Variants in SLC8B1 observed in about 807,000 individuals in gnomAD.
The protein encoded by SLC8B1 is mitochondrial sodium/calcium exchanger protein.
Under a neutral mutation model 63.4 loss-of-function variants are expected in SLC8B1, and 52 were observed. The ratio of observed to expected loss-of-function variants is 0.82; its 90% CI spans 0.66 to 1.03. The LOEUF is 1.03. SLC8B1 is among the 50% of genes least tolerant of loss of function. The probability of loss-of-function intolerance (pLI) is 0.00; values close to 1 mark genes in which losing one functional copy is unlikely to be tolerated. For synonymous variants in SLC8B1, 336 were observed against 323.9 expected (o/e 1.04, Z -0.40); for missense variants, 657 against 741.7 (o/e 0.89, Z 1.33).
At position 113,316,569 on chromosome 12, in the gene SLC8B1, C is replaced by T. The variant is rs1322274672; in HGVS notation, c.950G>A (p.Trp317Ter). 2 of 1,614,202 alleles carry T rather than the reference C, an allele frequency of 1.2e-6. No individual in the cohort carries two copies. Among genetic ancestry groups the T allele is most frequent in the Non-Finnish European group, 1.7e-6 (2 of 1,180,038 alleles). ...TTTCCAGTATGCTGATTTCCTTCTC[C>T]ACTTCATGTAATCCAGGGGATTGAG... ...RALNPLDYMK[W>*]RRKSAYWKAL... Residue 317 changes from tryptophan (W) to a stop codon, truncating the protein, a stop_gained, in exon 10 of 16, where the codon TGG becomes TAG. Transcript: ENST00000680972. LOFTEE classifies it high-confidence loss of function.
chr12:113,320,750 A>T lies in SLC8B1; in HGVS notation c.421-64T>A. ...GCAGCCCACCCAGGCCTTCGACCCT[A>T]TCCCCCAGCTTCCCCACACGGGGAT... On this transcript the variant is annotated intron_variant, in intron 5 of 15. Coordinates refer to ENST00000680972, the MANE Select transcript of SLC8B1 (RefSeq NM_001358345.2). The surrounding 1 kb of genome is among the most constrained non-coding windows in gnomAD (Gnocchi z 5.3). 1 of 1,583,120 alleles carries T rather than the reference A, an allele frequency of 6.3e-7. No homozygotes were observed.
At chr12:113,319,754 C>T (rs1253257624) in intron 7 of SLC8B1, among the ~76,000 whole-genome samples, 3 of 152,168 alleles carry the variant, frequency 2.0e-5, no homozygotes, top group South Asian at 4.1e-4. Flanking sequence ...CCCCAGTTAG[C>T]GTCCCATCTT....
chr12:113,331,960 T>C (rs747052163), intron 2 of SLC8B1, among the ~76,000 whole-genome samples: 79 of 152,140 alleles, frequency 5.2e-4, no homozygotes, highest in Non-Finnish European at 1.1e-3. Context: ...TCTCTTAGCA[T>C]TCTTCCCCTC....
Position 113,320,140 on chromosome 12 carries a change from G to C in SLC8B1, c.694+191C>G. 1 of 667,626 alleles carries C rather than the reference G, an allele frequency of 1.5e-6. No individual in the cohort carries two copies. Among genetic ancestry groups the C allele is most frequent in the Non-Finnish European group, 2.5e-6 (1 of 402,892 alleles). 41.4% of individuals were successfully genotyped at this position (667,626 alleles called of 1,614,324 possible). A position where few individuals can be genotyped will look rare whatever the true frequency, so the allele number is the denominator to read the frequency against. On this transcript the variant is annotated intron_variant, in intron 7 of 15. Coordinates refer to ENST00000680972, the MANE Select transcript of SLC8B1 (RefSeq NM_001358345.2). The surrounding 1 kb of genome is among the most constrained non-coding windows in gnomAD (Gnocchi z 5.3). ...TACTCCCTCCCCAGCCCCCAGCTCTGCCAGGCCTCTTTGGTTATGTGACCC... is the reference window on the plus strand; with the variant it reads ...TACTCCCTCCCCAGCCCCCAGCTCTCCCAGGCCTCTTTGGTTATGTGACCC...
chr12:113,313,327 T>TA (rs763975993), intron 11 of SLC8B1, among the ~76,000 whole-genome samples: 235 of 140,182 alleles, frequency 1.7e-3, no homozygotes, highest in South Asian at 7.5e-3. Flanking sequence ...AAATTTGCCT[T>TA]AAAAAAAAAA....
At chr12:113,302,038 CCTGCAGATTTCAG>C (rs1474925619) in intron 15 of SLC8B1, 1 of 152,184 alleles carries the variant, frequency 6.6e-6, no homozygotes, top group Non-Finnish European at 1.5e-5. Context: ...TGGGGAGGAG[CCTGCAGATTTCAG>C]CTGCAGGTTT....
chr12:113,326,723 C>G (rs915118826), intron 2 of SLC8B1, among the ~76,000 whole-genome samples: 1 of 151,512 alleles, frequency 6.6e-6, no homozygotes, highest in African/African-American at 2.4e-5. Flanking sequence ...GTTGCCCAGG[C>G]TGGAGTGCAG....
chr12:113,310,206 C>T lies in SLC8B1; in HGVS notation c.1257+28G>A, dbSNP rs192292812. 7.6e-5 allele frequency: 123 copies of T among 1,608,674 alleles called. 1 individual carries two copies. Among genetic ancestry groups the T allele is most frequent in the South Asian group, 7.4e-4 (67 of 90,518 alleles). The stretch of plus-strand genomic sequence containing the variant: ...TGGGAGACATCAGCATCCCTCCCCC[C>T]CCATCTCGGAGAACCCGGGCTTCTT... On this transcript the variant is annotated intron_variant, in intron 12 of 15. Transcript: ENST00000680972.
intron 11 of SLC8B1, among the ~76,000 whole-genome samples, chr12:113,312,718 ATAC>A (rs1317514455): frequency 2.6e-5 from 4 of 152,160 alleles, no homozygotes; most frequent in Non-Finnish European, 5.9e-5. Context: ...TGTGGTGAAG[ATAC>A]TACATGCTGC....
intron 1 of SLC8B1, among the ~76,000 whole-genome samples, chr12:113,334,100 T>C (rs945246011): frequency 4.6e-5 from 7 of 152,108 alleles, no homozygotes; most frequent in African/African-American, 1.4e-4. Context: ...AAGAAGGAAG[T>C]TGAGTTGCTC....
rs1352065158 is a variant in SLC8B1, at chr12:113,307,722, G to A, written c.1380C>T (p.Leu460=). Reference sequence around the variant, plus strand: ...TGCTGTTCCCCCAGGCCAGCAGCGTGAGCCCCAGCACAGTGTTGCTCAGCC... The same window carrying A: ...TGCTGTTCCCCCAGGCCAGCAGCGTAAGCCCCAGCACAGTGTTGCTCAGCC... ...VFRLSNTVLG[L]TLLAWGNSIG... Residue 460 remains leucine (L), a synonymous_variant, in exon 13 of 16, where the codon CTC becomes CTT. Transcript: ENST00000680972. The A allele has an allele frequency of 1.2e-6, 2 of 1,613,998 alleles. No individual in the cohort carries two copies. Among genetic ancestry groups the A allele is most frequent in the East Asian group, 2.2e-5 (1 of 44,872 alleles).
At chr12:113,319,583 G>A (rs569979308) in intron 7 of SLC8B1, among the ~76,000 whole-genome samples, 4 of 152,136 alleles carry the variant, frequency 2.6e-5, no homozygotes, top group South Asian at 2.1e-4. Flanking sequence ...CTGCTGCCAC[G>A]AGGGATGAGT....
At chr12:113,328,901 A>G (rs922395763) in intron 2 of SLC8B1, among the ~76,000 whole-genome samples, 6 of 151,940 alleles carry the variant, frequency 3.9e-5, no homozygotes, top group African/African-American at 1.5e-4. Flanking sequence ...GCAGACGTCC[A>G]CCACCATGCC....
At chr12:113,302,460 G>A (rs1192086024) in intron 15 of SLC8B1, 1 of 294,610 alleles carries the variant, frequency 3.4e-6, no homozygotes, top group Non-Finnish European at 6.9e-6. Flanking sequence ...CCCCTGGTTT[G>A]TGGTCAGTTA....
chr12:113,322,305 A>G (rs1956941694), intron 2 of SLC8B1, among the ~76,000 whole-genome samples: 1 of 152,216 alleles, frequency 6.6e-6, no homozygotes, highest in South Asian at 2.1e-4. Flanking sequence ...GGGAGGGTCA[A>G]GGTTGGAACC....
intron 15 of SLC8B1, chr12:113,302,640 G>T (rs553224153): frequency 2.2e-6 from 1 of 456,110 alleles, no homozygotes; most frequent in Middle Eastern, 3.3e-4. Context: ...ATGAGGTACC[G>T]TGTGGGCTGT....
Position 113,320,025 on chromosome 12 carries a change from C to A in SLC8B1, c.694+306G>T, listed in dbSNP as rs79851795. 5,645 of 314,010 alleles carry A rather than the reference C, an allele frequency of 0.018. 78 individuals carry two copies. Among genetic ancestry groups the A allele is most frequent in the Middle Eastern group, 0.029 (29 of 998 alleles). 19.5% of individuals were successfully genotyped at this position (314,010 alleles called of 1,614,324 possible). On this transcript the variant is annotated intron_variant, in intron 7 of 15. Coordinates refer to ENST00000680972, the MANE Select transcript of SLC8B1 (RefSeq NM_001358345.2). This position sits in a 1 kb window ranked among gnomAD's most constrained non-coding sequence, Gnocchi z 5.3. ...CCAGGCTGGTCTCAAACTCCTGAAC[C>A]AAAGTGATCCTCCTGCCTCAGCCTC... is the stretch of plus-strand genomic sequence containing the variant.
At chr12:113,322,128 G>T (rs1179930102) in intron 2 of SLC8B1, among the ~76,000 whole-genome samples, 1 of 152,044 alleles carries the variant, frequency 6.6e-6, no homozygotes, top group Non-Finnish European at 1.5e-5. Context: ...AGCCCAGGAG[G>T]TTGAGGCTGC....
chr12:113,331,747 C>T (rs1037517362), intron 2 of SLC8B1, among the ~76,000 whole-genome samples: 2 of 152,062 alleles, frequency 1.3e-5, no homozygotes, highest in African/African-American at 4.8e-5. Context: ...TCATGTGAGT[C>T]AATATTCCTT....
Sources: gnomAD v4.1 joint callset for allele counts (sites outside exome capture counted in the v4.1 genomes callset) on GRCh38, gnomAD v4.1.1 for gene constraint, Gnocchi (gnomAD v3.1) non-coding constraint, MANE v1.5 for transcripts, NCBI Gene and HGNC (gene_info 2026-07-23, HGNC 2026-07-21) for gene names.